WWC2: variants seen among roughly 807,000 people sequenced by gnomAD.
WWC2 encodes the protein WW and C2 domain containing 2.
Under a neutral mutation model 138.5 loss-of-function variants are expected in WWC2, and 101 were observed. The observed-to-expected ratio is 0.73, with a 90% confidence interval of 0.62 to 0.86. WWC2 has a LOEUF of 0.86. WWC2 is among the 40% of genes least tolerant of loss of function. The pLI, the probability that WWC2 is intolerant of heterozygous loss-of-function variation, is 0.00. For missense variants in WWC2, 1,420 were observed against 1,419.4 expected (o/e 1.00, Z -0.01); for synonymous variants, 558 against 538.4 (o/e 1.04, Z -0.50).
At chr4:183,112,198 T>G (rs181111049) in intron 1 of WWC2, among the ~76,000 whole-genome samples, 2 of 152,352 alleles carry the variant, frequency 1.3e-5, no homozygotes, top group Non-Finnish European at 2.9e-5. Flanking sequence ...CTACTTTCAG[T>G]CCTTCATTTA....
chr4:183,253,854 AAAG>A lies in WWC2; in HGVS notation c.1057_1059del (p.Glu353del), dbSNP rs761420166. On this transcript the variant is annotated inframe_deletion, in exon 9 of 23. Transcript: ENST00000403733. Reference sequence around the variant, plus strand: ...GGAAAAACTGATGCTGATTAATGAAAAAGAAGAACTTTTGAAAGAGCTTCAGTT... The same window carrying A: ...GGAAAAACTGATGCTGATTAATGAAAAAGAACTTTTGAAAGAGCTTCAGTT... 1.2e-5 allele frequency: 19 copies of A among 1,613,808 alleles called. No homozygotes were observed. The highest frequency in any genetic ancestry group is 1.6e-5 in the Non-Finnish European group (19 of 1,179,812).
At chr4:183,115,418 T>C (rs777366056) in intron 1 of WWC2, among the ~76,000 whole-genome samples, 13 of 152,226 alleles carry the variant, frequency 8.5e-5, no homozygotes, top group Non-Finnish European at 1.6e-4. Context: ...TGGATGGCAG[T>C]TCTGTTTTAA....
chr4:183,117,932 C>T (rs1249713224), intron 1 of WWC2, among the ~76,000 whole-genome samples: 2 of 152,042 alleles, frequency 1.3e-5, no homozygotes, highest in African/African-American at 4.8e-5. Context: ...CCCCAAGTAG[C>T]TGGGACTATA....
rs749809535 is a variant in WWC2, at chr4:183,137,255, A to T, written c.131+37633A>T. On this transcript the variant is annotated intron_variant, in intron 1 of 22. Coordinates refer to ENST00000403733, the MANE Select transcript of WWC2 (RefSeq NM_024949.6). The stretch of plus-strand genomic sequence containing the variant: ...GTAACATTTTGACTTTAAAACTTTA[A>T]TTTTATTGAACTTTTTGACTTTTTT... Among the ~76,000 whole-genome samples the T allele has an allele frequency of 4.9e-4, 75 of 152,340 alleles. 1 individual carries two copies. Among genetic ancestry groups the T allele is most frequent in the Non-Finnish European group, 2.6e-4 (18 of 68,028 alleles).
At chr4:183,115,110 T>G (rs776781147) in intron 1 of WWC2, among the ~76,000 whole-genome samples, 3 of 152,208 alleles carry the variant, frequency 2.0e-5, no homozygotes, top group Non-Finnish European at 2.9e-5. Flanking sequence ...CACTTATAAG[T>G]GAGAACATGC....
At chr4:183,184,911 G>C (rs1734745788) in intron 1 of WWC2, among the ~76,000 whole-genome samples, 1 of 151,998 alleles carries the variant, frequency 6.6e-6, no homozygotes, top group East Asian at 1.9e-4. Context: ...GCCATTATCT[G>C]TTTAAATATT....
In WWC2 at chr4:183,300,440, A is replaced by G. The variant is rs1451188265; in HGVS notation, c.3384+10805A>G. On this transcript the variant is annotated intron_variant, in intron 21 of 22. Coordinates refer to ENST00000403733, the MANE Select transcript of WWC2 (RefSeq NM_024949.6). Reference sequence around the variant, plus strand: ...CTAGATTTTTTGTAAAGCTTAAAATAATGCAAATGTTAACACTCTTAAAAG... The same window carrying G: ...CTAGATTTTTTGTAAAGCTTAAAATGATGCAAATGTTAACACTCTTAAAAG... Among the ~76,000 whole-genome samples, 3 of 152,060 alleles carry G rather than the reference A, an allele frequency of 2.0e-5. No individual in the cohort carries two copies. The East Asian group carries it at 5.8e-4, about 29-fold the overall frequency.
intron 21 of WWC2, among the ~76,000 whole-genome samples, chr4:183,297,597 A>G (rs1201382257): frequency 6.6e-6 from 1 of 151,822 alleles, no homozygotes; most frequent in East Asian, 1.9e-4. Context: ...TTTAGTAGAG[A>G]TGGGGTTTCA....
chr4:183,245,009 G>A (rs534915639), intron 5 of WWC2, among the ~76,000 whole-genome samples: 7 of 152,110 alleles, frequency 4.6e-5, no homozygotes, highest in South Asian at 2.1e-4. Flanking sequence ...TGAGACGTGC[G>A]GATCACGAGG....
At position 183,208,080 on chromosome 4, in the gene WWC2, G is replaced by C; in HGVS notation, c.369G>C (p.Gln123His). The C allele has an allele frequency of 6.2e-7, 1 of 1,613,926 alleles. No homozygotes were observed. The highest frequency in any genetic ancestry group is 8.5e-7 in the Non-Finnish European group (1 of 1,179,828). Residue 123 changes from glutamine (Q) to histidine (H), a missense_variant, in exon 3 of 23, where the codon CAG becomes CAC. Transcript: ENST00000403733. ...AGGAACTGTACCATGTGAAGGAGCA[G>C]AGGCTGGCGCTGGCCCTGGATGAAT... Reference protein sequence around the residue: ...TQKELYHVKEQRLALALDEYV... With the variant: ...TQKELYHVKEHRLALALDEYV...
intron 1 of WWC2, among the ~76,000 whole-genome samples, chr4:183,185,248 A>G (rs1370206383): frequency 3.3e-5 from 5 of 152,232 alleles, no homozygotes; most frequent in South Asian, 2.1e-4. Flanking sequence ...CTGTAAACCA[A>G]CATTCTCAGA....
intron 1 of WWC2, among the ~76,000 whole-genome samples, chr4:183,152,915 A>G (rs1733685309): frequency 6.6e-6 from 1 of 152,040 alleles, no homozygotes; most frequent in East Asian, 1.9e-4. Flanking sequence ...AAAATAATAG[A>G]GTTGGGTTCT....
rs1422459923 is a variant in WWC2, at chr4:183,319,235, C to G, written c.*3506C>G. 2 of 213,464 alleles carry G rather than the reference C, an allele frequency of 9.4e-6. No homozygotes were observed. The highest frequency in any genetic ancestry group is 1.0e-4 in the Admixed American group (2 of 19,672). 13.2% of individuals were successfully genotyped at this position (213,464 alleles called of 1,614,324 possible). A position where few individuals can be genotyped will look rare whatever the true frequency, so the allele number is the denominator to read the frequency against. ...TAAGTAAATGATTTGCCAAATGATT[C>G]CGCTCCATATGAATAATACCTTCAA... On this transcript the variant is annotated 3_prime_UTR_variant, in exon 23 of 23. Transcript: ENST00000403733.
chr4:183,233,770 C>T (rs887090671), intron 4 of WWC2: 1 of 152,106 alleles, frequency 6.6e-6, no homozygotes, highest in African/African-American at 2.4e-5. Flanking sequence ...GACTATCTAT[C>T]TGGAGTTGAC....
chr4:183,265,045 G>A lies in WWC2; in HGVS notation c.1977G>A (p.Ser659=), dbSNP rs149467979. Residue 659 remains serine (S), a synonymous_variant, in exon 12 of 23, where the codon TCG becomes TCA. Coordinates refer to ENST00000403733, the MANE Select transcript of WWC2 (RefSeq NM_024949.6). ...TTGGGGAGAAAACCACTTGTGTGTCGGCTGCTGTGTCTGATGAGTCTGTGG... is the reference window on the plus strand; with the variant it reads ...TTGGGGAGAAAACCACTTGTGTGTCAGCTGCTGTGTCTGATGAGTCTGTGG... The part of the protein sequence containing the change: ...HLLGEKTTCV[S]AAVSDESVAG... 5.1e-5 allele frequency: 82 copies of A among 1,613,616 alleles called. No homozygotes were observed. The highest frequency in any genetic ancestry group is 2.9e-4 in the African/African-American group (22 of 75,014).
At chr4:183,301,934 A>C (rs1738853844) in intron 21 of WWC2, among the ~76,000 whole-genome samples, 1 of 152,180 alleles carries the variant, frequency 6.6e-6, no homozygotes, top group African/African-American at 2.4e-5. Context: ...ATAAAGATAG[A>C]TTGTTCTGAA....
At chr4:183,287,143 T>C (rs1738285876) in intron 20 of WWC2, among the ~76,000 whole-genome samples, 1 of 152,146 alleles carries the variant, frequency 6.6e-6, no homozygotes, top group African/African-American at 2.4e-5. Context: ...CATTCTGCCA[T>C]GTGCAGAGTA....
intron 1 of WWC2, among the ~76,000 whole-genome samples, chr4:183,133,074 C>G (rs576490958): frequency 1.4e-5 from 2 of 148,046 alleles, no homozygotes; most frequent in Non-Finnish European, 3.0e-5. Context: ...TTTTCCTTCC[C>G]TCTTCCCTTA....
Position 183,315,696 on chromosome 4 carries a change from A to G in WWC2, c.3546A>G (p.Ile1182Met), listed in dbSNP as rs2111131105. Reference protein sequence around the residue: ...EKIAYFTRAKISIPSLPADDV With the variant: ...EKIAYFTRAKMSIPSLPADDV Reference sequence around the variant, plus strand: ...TTGCCTACTTCACCAGAGCAAAGATAAGCATCCCATCCCTGCCAGCTGATG... The same window carrying G: ...TTGCCTACTTCACCAGAGCAAAGATGAGCATCCCATCCCTGCCAGCTGATG... The change falls in exon 23 of 23, where the codon ATA becomes ATG. Residue 1182 changes from isoleucine to methionine, a missense_variant. Ile to Met is a conservative substitution (Grantham distance 10). Transcript: ENST00000403733. 6.2e-7 allele frequency: 1 copy of G among 1,613,540 alleles called. No homozygotes were observed. The highest frequency in any genetic ancestry group is 8.5e-7 in the Non-Finnish European group (1 of 1,179,652).
Sources: allele counts gnomAD v4.1 joint callset (sites outside exome capture counted in the v4.1 genomes callset), GRCh38; gene constraint gnomAD v4.1.1; transcripts MANE v1.5; gene names NCBI Gene and HGNC (gene_info 2026-07-23, HGNC 2026-07-21).